Variants in RFC3 observed in about 807,000 individuals in gnomAD.
RFC3 encodes the protein A1 38 kDa subunit.
In RFC3, 41 loss-of-function variants were observed where a neutral mutation model predicts 45.1. The ratio of observed to expected loss-of-function variants is 0.91; its 90% confidence interval spans 0.71 to 1.18. The LOEUF is 1.18. Ranked by LOEUF, RFC3 falls within the 50% of genes most tolerant of loss-of-function variation. RFC3 has a pLI of 0.00. For missense variants in RFC3, 423 were observed against 428.1 expected, an observed-to-expected ratio of 0.99 and a Z score of 0.10; for synonymous variants, 149 against 144.0, an observed-to-expected ratio of 1.03 and a Z score of -0.25.
intron 8 of RFC3, among the ~76,000 whole-genome samples, chr13:33,940,250 A>G (rs9563941): frequency 0.43 from 66,038 of 151,926 alleles, 15,530 homozygotes; most frequent in East Asian, 0.78. Flanking sequence ...TATGACTTCA[A>G]CTGCCCTCCA....
At chr13:33,870,926 A>T (rs942681460) in intron 8 of RFC3, among the ~76,000 whole-genome samples, 2 of 152,012 alleles carry the variant, frequency 1.3e-5, no homozygotes, top group African/African-American at 2.4e-5. Context: ...AATTGAGAAT[A>T]TCATCAGGAG....
intron 5 of RFC3, among the ~76,000 whole-genome samples, chr13:33,830,493 A>G (rs940187842): frequency 1.3e-5 from 2 of 152,238 alleles, no homozygotes; most frequent in African/African-American, 2.4e-5. Flanking sequence ...GATTCCTCAC[A>G]TTAAATATCT....
At chr13:33,887,766 A>T (rs1176186060) in intron 8 of RFC3, among the ~76,000 whole-genome samples, 1 of 151,964 alleles carries the variant, frequency 6.6e-6, no homozygotes, top group Non-Finnish European at 1.5e-5. Flanking sequence ...TTTTAGGTCT[A>T]ATGTTTAAGT....
At chr13:33,867,651 C>T (rs953499015) in intron 8 of RFC3, among the ~76,000 whole-genome samples, 2 of 152,076 alleles carry the variant, frequency 1.3e-5, no homozygotes, top group Non-Finnish European at 2.9e-5. Context: ...ATTACAGCTG[C>T]CCCCTACAGG....
chr13:33,837,883 T>C (rs1348345603), downstream of RFC3, among the ~76,000 whole-genome samples: 1 of 152,094 alleles, frequency 6.6e-6, no homozygotes, highest in Non-Finnish European at 1.5e-5. Context: ...CCTACAAATG[T>C]TGATATTTTA....
At chr13:33,884,553 G>C (rs1383992194) in intron 8 of RFC3, among the ~76,000 whole-genome samples, 2 of 152,168 alleles carry the variant, frequency 1.3e-5, no homozygotes, top group Non-Finnish European at 2.9e-5. Flanking sequence ...AACTGTGTAA[G>C]GGTACCAACC....
At chr13:33,840,119 A>G (rs2082186939), downstream of RFC3, among the ~76,000 whole-genome samples, 1 of 152,048 alleles carries the variant, frequency 6.6e-6, no homozygotes, top group Non-Finnish European at 1.5e-5. Context: ...GCTTTACACT[A>G]CTTTGGGTTT....
intron 1 of RFC3, among the ~76,000 whole-genome samples, chr13:33,818,818 G>A (rs940647241): frequency 1.3e-5 from 2 of 148,924 alleles, no homozygotes; most frequent in African/African-American, 2.5e-5. Context: ...TTGTAAATAT[G>A]TATTTACTCC....
rs574247152 is a variant in RFC3, at chr13:33,891,589, G to C, written c.879+56372G>C. Among the ~76,000 whole-genome samples, 366 of 152,212 alleles carry C rather than the reference G, an allele frequency of 2.4e-3. 2 individuals are homozygous for C. The highest frequency in any genetic ancestry group is 8.6e-3 in the African/African-American group (356 of 41,538). On this transcript the variant is annotated intron_variant, in intron 8 of 8. Coordinates refer to the RFC3 transcript ENST00000434425. The stretch of plus-strand genomic sequence containing the variant: ...CTAATATGGTAGATCAAGGAGAAAT[G>C]ATAGATGTATTTTATCTTAATTGCA...
chr13:33,966,592 T>G, downstream of RFC3: 1 of 161,230 alleles, frequency 6.2e-6, no homozygotes, highest in Non-Finnish European at 1.4e-5. Context: ...AAATATTTTT[T>G]CTATGCACAT....
intron 8 of RFC3, among the ~76,000 whole-genome samples, chr13:33,891,007 C>G (rs2082560052): frequency 6.6e-6 from 1 of 152,144 alleles, no homozygotes; most frequent in Admixed American, 6.5e-5. Context: ...CTTTGTGTTA[C>G]ATATAATTTA....
chr13:33,951,727 A>G (rs2082992720), intron 8 of RFC3, among the ~76,000 whole-genome samples: 2 of 152,210 alleles, frequency 1.3e-5, no homozygotes, highest in African/African-American at 4.8e-5. Context: ...TCAAACTCAT[A>G]CAGGTGTTTA....
intron 8 of RFC3, among the ~76,000 whole-genome samples, chr13:33,856,066 T>G (rs764624113): frequency 6.6e-5 from 10 of 152,210 alleles, no homozygotes; most frequent in Non-Finnish European, 1.2e-4. Flanking sequence ...AGAATGACAT[T>G]TCGTAGGTTG....
intron 8 of RFC3, among the ~76,000 whole-genome samples, chr13:33,946,296 A>G (rs942808707): frequency 6.6e-6 from 1 of 152,172 alleles, no homozygotes; most frequent in Non-Finnish European, 1.5e-5. Flanking sequence ...GTCAAGACAC[A>G]TGACTCAGGC....
chr13:33,927,406 A>T (rs1457246260), intron 8 of RFC3, among the ~76,000 whole-genome samples: 11 of 152,138 alleles, frequency 7.2e-5, no homozygotes, highest in Admixed American at 7.2e-4. Flanking sequence ...GGAGCTGGTG[A>T]GCTCTGATTG....
chr13:33,851,747 C>T (rs958892942), intron 8 of RFC3, among the ~76,000 whole-genome samples: 5 of 152,110 alleles, frequency 3.3e-5, no homozygotes, highest in African/African-American at 1.2e-4. Flanking sequence ...TGTGTAAGGT[C>T]ATTCTTAAAG....
At chr13:33,976,063 G>T in the RFC3 span, among the ~76,000 whole-genome samples, 3 of 152,130 alleles carry the variant, frequency 2.0e-5, no homozygotes, top group African/African-American at 7.2e-5. Context: ...ATAAGAAAGT[G>T]CCAAAAAGTA....
chr13:33,849,057 TAGACAGGC>T (rs1455136205), intron 8 of RFC3: 2 of 151,000 alleles, frequency 1.3e-5, no homozygotes, highest in African/African-American at 4.9e-5. Context: ...GATAGATAGA[TAGACAGGC>T]AGACAGACAG....
chr13:33,831,402 A>C, intron 7 of RFC3, 48 bp downstream of exon 7: 8 of 943,998 alleles, frequency 8.5e-6, no homozygotes, highest in South Asian at 1.3e-5. Context: ...TCAGGATATC[A>C]TAGGACACAT....
Sources: gnomAD v4.1 joint callset for allele counts (sites outside exome capture counted in the v4.1 genomes callset) on GRCh38, gnomAD v4.1.1 for gene constraint, MANE v1.5 for transcripts, NCBI Gene and HGNC (gene_info 2026-07-23, HGNC 2026-07-21) for gene names.